The following ATP10A variants were observed in gnomAD, a reference collection of about 807,000 sequenced individuals.
The protein encoded by ATP10A is ATPase phospholipid transporting 10A (putative), also known as phospholipid-transporting ATPase VA.
ATP10A carries 111 observed loss-of-function variants against 147.8 expected under a neutral mutation model. The ratio of observed to expected loss-of-function variants is 0.75; its 90% CI spans 0.64 to 0.88. ATP10A has a LOEUF of 0.88. Among genes scored for constraint, ATP10A ranks in the 40% least tolerant of loss-of-function variants. The pLI is 0.00. For missense variants in ATP10A, 1,927 were observed against 1,959.0 expected (o/e 0.98, Z 0.31); for synonymous variants, 875 against 841.6 (o/e 1.04, Z -0.69).
intron 3 of ATP10A, among the ~76,000 whole-genome samples, chr15:25,732,554 C>T (rs941965672): frequency 6.5e-4 from 15 of 23,106 alleles, no homozygotes; most frequent in African/African-American, 1.5e-3. Flanking sequence ...ACATGCGACA[C>T]CTTCTTTTTT....
intron 1 of ATP10A, among the ~76,000 whole-genome samples, chr15:25,856,036 C>T (rs1893501587): frequency 6.6e-6 from 1 of 152,190 alleles, no homozygotes; most frequent in African/African-American, 2.4e-5. Flanking sequence ...AAGGGGTATG[C>T]ATCTGTACTA....
chr15:25,836,619 G>A, intron 1 of ATP10A, among the ~76,000 whole-genome samples: 1 of 152,194 alleles, frequency 6.6e-6, no homozygotes, highest in East Asian at 1.9e-4. Context: ...GGCCAGAGCT[G>A]AGCAGCCTCC....
intron 1 of ATP10A, among the ~76,000 whole-genome samples, chr15:25,786,141 C>A (rs544940655): frequency 6.6e-6 from 1 of 152,326 alleles, no homozygotes; most frequent in South Asian, 2.1e-4. Context: ...GGCGGGGAAG[C>A]TGGCGTTGTG....
chr15:25,736,039 A>T lies in ATP10A; in HGVS notation c.740+17T>A. 6.3e-7 allele frequency: 1 copy of T among 1,599,464 alleles called. No homozygotes were observed. Among genetic ancestry groups the T allele is most frequent in the Non-Finnish European group, 8.6e-7 (1 of 1,166,438 alleles). On this transcript the variant is annotated intron_variant, in intron 3 of 20. Coordinates refer to ENST00000555815, the MANE Select transcript of ATP10A (RefSeq NM_024490.4). ...ATCAAACAGAAGGATGCGCGCAGGC[A>T]GACACACGATACTCACATGCAGCCG...
chr15:25,705,514 A>G (rs1455900051), intron 12 of ATP10A, among the ~76,000 whole-genome samples: 1 of 151,920 alleles, frequency 6.6e-6, no homozygotes, highest in Non-Finnish European at 1.5e-5. Context: ...AATAGTAAAA[A>G]TATAAGTGGC....
At chr15:25,739,419 ACTTAGTGCTAGTT>A (rs1887463990) in intron 2 of ATP10A, among the ~76,000 whole-genome samples, 1 of 152,102 alleles carries the variant, frequency 6.6e-6, no homozygotes, top group African/African-American at 2.4e-5. Flanking sequence ...GAGCCCGGGG[ACTTAGTGCTAGTT>A]CTTCTGATTA....
At chr15:25,688,059 T>C in intron 15 of ATP10A, 1 of 559,524 alleles carries the variant, frequency 1.8e-6, no homozygotes, top group Non-Finnish European at 3.2e-6. Context: ...CCTTATAAGA[T>C]TCATTTACGC....
rs1250482582 is a variant in ATP10A, at chr15:25,811,554, CTT to C, written c.450-30333_450-30332del. ...GTGGATGGGCCCATCCAACGCAGCTCTTGTTAGAGGAGTGCACACTCCCCTCT... is the reference window on the plus strand; with the variant it reads ...GTGGATGGGCCCATCCAACGCAGCTCGTTAGAGGAGTGCACACTCCCCTCT... On this transcript the variant is annotated intron_variant, in intron 1 of 20. Coordinates refer to ENST00000555815, the MANE Select transcript of ATP10A (RefSeq NM_024490.4). Among the ~76,000 whole-genome samples, 3 of 152,268 alleles carry C rather than the reference CTT, an allele frequency of 2.0e-5. No individual in the cohort carries two copies. In the East Asian group the frequency reaches 5.8e-4, roughly 29 times the overall value.
At chr15:25,810,585 T>A (rs1891385334) in intron 1 of ATP10A, among the ~76,000 whole-genome samples, 1 of 152,040 alleles carries the variant, frequency 6.6e-6, no homozygotes, top group Non-Finnish European at 1.5e-5. Context: ...GTAGCCAAAC[T>A]AAAGTCAGGT....
chr15:25,849,445 T>C (rs1893180835), intron 1 of ATP10A, among the ~76,000 whole-genome samples: 1 of 152,198 alleles, frequency 6.6e-6, no homozygotes, highest in South Asian at 2.1e-4. Context: ...TGTCACTGCA[T>C]GCAGTAGTTG....
chr15:25,732,262 G>A (rs1215918343), intron 3 of ATP10A, among the ~76,000 whole-genome samples: 2 of 151,902 alleles, frequency 1.3e-5, no homozygotes, highest in Non-Finnish European at 2.9e-5. Flanking sequence ...TTGAGACTGG[G>A]TCTTGCTCTG....
intron 1 of ATP10A, among the ~76,000 whole-genome samples, chr15:25,808,249 G>A (rs904488144): frequency 6.6e-6 from 1 of 152,172 alleles, no homozygotes; most frequent in African/African-American, 2.4e-5. Flanking sequence ...ATCCTGCAGG[G>A]AATTTTAGAT....
intron 1 of ATP10A, among the ~76,000 whole-genome samples, chr15:25,781,922 T>C (rs1889945087): frequency 6.6e-6 from 1 of 152,182 alleles, no homozygotes; most frequent in East Asian, 1.9e-4. Flanking sequence ...ACTTGAATTT[T>C]TCACTCCAAA....
chr15:25,704,672 G>A (rs1287005048), intron 12 of ATP10A, among the ~76,000 whole-genome samples: 1 of 152,200 alleles, frequency 6.6e-6, no homozygotes, highest in East Asian at 1.9e-4. Context: ...AACTGAAAAA[G>A]GAGTTATGGG....
At position 25,716,765 on chromosome 15, in the gene ATP10A, C is replaced by T; in HGVS notation, c.1741G>A (p.Val581Ile). The T allele has an allele frequency of 1.2e-6, 2 of 1,602,506 alleles. No individual in the cohort carries two copies. Among genetic ancestry groups the T allele is most frequent in the African/African-American group, 2.7e-5 (2 of 74,392 alleles). Residue 581 changes from valine (V) to isoleucine (I), a missense_variant, in exon 9 of 21, where the codon GTC (valine) becomes ATC (isoleucine). Transcript: ENST00000555815. ...GGCTGATCCGGGGACGTGACGACGA[C>T]TGTGTTGCAGATGGTGAGTGCGATG... ...FFIALTICNTVVVTSPDQPRT... is the reference protein window; with the variant it reads ...FFIALTICNTIVVTSPDQPRT...
chr15:25,774,497 C>A (rs559777853), intron 2 of ATP10A, among the ~76,000 whole-genome samples: 1 of 151,746 alleles, frequency 6.6e-6, no homozygotes, highest in African/African-American at 2.4e-5. Context: ...TCACTTGAAC[C>A]CGGGAGGCAG....
At chr15:25,683,814 A>G in intron 16 of ATP10A, 1 of 348,174 alleles carries the variant, frequency 2.9e-6, no homozygotes. Flanking sequence ...AAGGTTTCAC[A>G]GGGGTGTAGG....
intron 3 of ATP10A, among the ~76,000 whole-genome samples, chr15:25,734,293 C>T (rs945755533): frequency 6.6e-6 from 1 of 152,218 alleles, no homozygotes; most frequent in Non-Finnish European, 1.5e-5. Flanking sequence ...CCCTGTCACA[C>T]CAAGGACAAT....
chr15:25,791,986 G>A (rs538201899), intron 1 of ATP10A, among the ~76,000 whole-genome samples: 1 of 152,202 alleles, frequency 6.6e-6, no homozygotes, highest in Admixed American at 6.5e-5. Flanking sequence ...TGTGGGAGGA[G>A]TGCAGAGTAT....
Sources: gnomAD v4.1 joint callset for allele counts (sites outside exome capture counted in the v4.1 genomes callset) on GRCh38, gnomAD v4.1.1 for gene constraint, MANE v1.5 for transcripts, NCBI Gene and HGNC (gene_info 2026-07-23, HGNC 2026-07-21) for gene names.